The following ACBD6 variants were observed in gnomAD, a reference collection of about 807,000 sequenced individuals.
The protein encoded by ACBD6 is acyl-CoA binding domain containing 6, also known as acyl-CoA-binding domain-containing protein 6.
A neutral mutation model predicts 37.2 loss-of-function variants in ACBD6; 28 were observed. The observed-to-expected ratio is 0.75, with a 90% CI of 0.56 to 1.03. The LOEUF is 1.03. Among genes scored for constraint, ACBD6 ranks in the 50% least tolerant of loss-of-function variants. The probability of loss-of-function intolerance (pLI) is 0.00; values close to 1 mark genes in which losing one functional copy is unlikely to be tolerated. For synonymous variants in ACBD6, 113 were observed against 126.8 expected (o/e 0.89, Z 0.73); for missense variants, 340 against 337.4 (o/e 1.01, Z -0.06).
rs74132811 is a variant in ACBD6 at position 180,407,907 on chromosome 1, A to C, written c.573+5459T>G. ...CACACAAGATACTTCCAGTGAAAAAACTGTGACTTTGAAAAGTTAAGTGGC... is the reference window on the plus strand; with the variant it reads ...CACACAAGATACTTCCAGTGAAAAACCTGTGACTTTGAAAAGTTAAGTGGC... On this transcript the variant is annotated intron_variant, in intron 5 of 7. Transcript: ENST00000367595. 5.9e-3 allele frequency among the ~76,000 whole-genome samples: 905 copies of C among 152,298 alleles called. 8 individuals carry two copies. Among genetic ancestry groups the C allele is most frequent in the African/African-American group, 0.02 (848 of 41,564 alleles).
At chr1:180,332,132 G>A (rs1651509930) in intron 6 of ACBD6, among the ~76,000 whole-genome samples, 1 of 152,154 alleles carries the variant, frequency 6.6e-6, no homozygotes, top group South Asian at 2.1e-4. Flanking sequence ...TCCCCTACAG[G>A]TTTCAGAGGG....
At chr1:180,441,132 G>C (rs987780751) in intron 3 of ACBD6, among the ~76,000 whole-genome samples, 1 of 152,110 alleles carries the variant, frequency 6.6e-6, no homozygotes, top group African/African-American at 2.4e-5. Context: ...TTTTATGGCA[G>C]CTGCACCATT....
At chr1:180,375,957 G>T (rs1213048326) in intron 6 of ACBD6, among the ~76,000 whole-genome samples, 1 of 152,040 alleles carries the variant, frequency 6.6e-6, no homozygotes, top group Non-Finnish European at 1.5e-5. Context: ...AATATCCATG[G>T]TATATAAAGA....
intron 6 of ACBD6, among the ~76,000 whole-genome samples, chr1:180,339,963 G>A (rs1403464125): frequency 6.6e-6 from 1 of 152,094 alleles, no homozygotes; most frequent in Non-Finnish European, 1.5e-5. Flanking sequence ...AAAACGTGAA[G>A]ATGGTAAGGG....
chr1:180,287,624 T>C (rs905078778), downstream of ACBD6, among the ~76,000 whole-genome samples: 6 of 142,066 alleles, frequency 4.2e-5, no homozygotes, highest in East Asian at 6.5e-4. Context: ...CTGCTACATA[T>C]GACATGGTCA....
chr1:180,360,860 C>G (rs1301987141), intron 6 of ACBD6, among the ~76,000 whole-genome samples: 4 of 152,092 alleles, frequency 2.6e-5, no homozygotes, highest in Non-Finnish European at 5.9e-5. Flanking sequence ...CATAAACTGA[C>G]ATTTATTGGA....
chr1:180,398,835 A>G (rs9659140), intron 5 of ACBD6, among the ~76,000 whole-genome samples: 6,444 of 152,290 alleles, frequency 0.042, 433 homozygotes, highest in African/African-American at 0.14. Context: ...ATGTTTTTCC[A>G]CATTAAGTTG....
intron 3 of ACBD6, among the ~76,000 whole-genome samples, chr1:180,475,682 G>A (rs1650751419): frequency 6.6e-6 from 1 of 152,142 alleles, no homozygotes; most frequent in African/African-American, 2.4e-5. Context: ...ACCATGTTAT[G>A]TATACCAATA....
At chr1:180,337,341 G>A (rs190865265) in intron 6 of ACBD6, among the ~76,000 whole-genome samples, 3 of 152,204 alleles carry the variant, frequency 2.0e-5, no homozygotes, top group Admixed American at 1.3e-4. Context: ...ATGCAAGGCT[G>A]GTTCAACATA....
rs764681935 is a variant in ACBD6 at position 180,492,608 on chromosome 1, TAA to T, written c.288-245_288-244del. ...CCTAATCGTCCTCCCCGTGAAATTT[TAA>T]AAACACAGATACAATGCATAGCTAT... On this transcript the variant is annotated intron_variant, in intron 2 of 7. Coordinates refer to ENST00000367595, the MANE Select transcript of ACBD6 (RefSeq NM_032360.4). Among the ~76,000 whole-genome samples, 5 of 152,292 alleles carry T rather than the reference TAA, an allele frequency of 3.3e-5. No homozygotes were observed. In the South Asian group the frequency reaches 1.0e-3, roughly 32 times the overall value.
chr1:180,451,061 T>C (rs1649683792), intron 3 of ACBD6, among the ~76,000 whole-genome samples: 1 of 152,042 alleles, frequency 6.6e-6, no homozygotes, highest in Non-Finnish European at 1.5e-5. Flanking sequence ...ACCAATAAAT[T>C]CATTCTAATA....
At chr1:180,294,038 G>A (rs1649818612) in intron 7 of ACBD6, among the ~76,000 whole-genome samples, 1 of 152,042 alleles carries the variant, frequency 6.6e-6, no homozygotes, top group African/African-American at 2.4e-5. Flanking sequence ...GGGATTACAG[G>A]TGCGCACCAC....
intron 6 of ACBD6, among the ~76,000 whole-genome samples, chr1:180,392,337 A>C (rs1654108885): frequency 6.6e-6 from 1 of 152,014 alleles, no homozygotes; most frequent in Non-Finnish European, 1.5e-5. Flanking sequence ...ACATTACCTC[A>C]CTGAATTTAT....
At chr1:180,474,695 A>G (rs967426227) in intron 3 of ACBD6, among the ~76,000 whole-genome samples, 6 of 152,244 alleles carry the variant, frequency 3.9e-5, no homozygotes, top group Non-Finnish European at 7.3e-5. Flanking sequence ...AAAACTTTTT[A>G]GCTATCGAAT....
intron 6 of ACBD6, among the ~76,000 whole-genome samples, chr1:180,362,967 C>T (rs1283788776): frequency 6.6e-6 from 1 of 152,188 alleles, no homozygotes; most frequent in Non-Finnish European, 1.5e-5. Flanking sequence ...CTTTAATATT[C>T]TCTTTGCTGG....
intron 6 of ACBD6, among the ~76,000 whole-genome samples, chr1:180,395,727 G>C (rs926281433): frequency 1.4e-4 from 22 of 152,172 alleles, no homozygotes; most frequent in African/African-American, 5.3e-4. Flanking sequence ...TGCAGCTACT[G>C]TGGGAAACAA....
chr1:180,490,571 C>G (rs1000752636), intron 3 of ACBD6, among the ~76,000 whole-genome samples: 5 of 151,368 alleles, frequency 3.3e-5, no homozygotes, highest in African/African-American at 1.2e-4. Flanking sequence ...GTCAGGAGAT[C>G]GAGACCAACT....
rs112582976 is a variant in ACBD6 at position 180,477,354 on chromosome 1, A to C, written c.384+14915T>G. 3.0e-3 allele frequency among the ~76,000 whole-genome samples: 455 copies of C among 152,328 alleles called. 1 individual carries two copies. The highest frequency in any genetic ancestry group is 0.01 in the African/African-American group (429 of 41,568). On this transcript the variant is annotated intron_variant, in intron 3 of 7. Coordinates refer to ENST00000367595, the MANE Select transcript of ACBD6 (RefSeq NM_032360.4). ...CACTAACAAACACATACACACATATAAGAGCATACACACAAGCATTAAGAA... is the reference window on the plus strand; with the variant it reads ...CACTAACAAACACATACACACATATCAGAGCATACACACAAGCATTAAGAA...
chr1:180,355,265 A>C (rs1386393807), intron 6 of ACBD6, among the ~76,000 whole-genome samples: 2 of 152,222 alleles, frequency 1.3e-5, no homozygotes, highest in Non-Finnish European at 2.9e-5. Context: ...AGAACTTAGA[A>C]GGTCTCTGGC....
Sources: gnomAD v4.1 joint callset for allele counts (sites outside exome capture counted in the v4.1 genomes callset) on GRCh38, gnomAD v4.1.1 for gene constraint, MANE v1.5 for transcripts, NCBI Gene and HGNC (gene_info 2026-07-23, HGNC 2026-07-21) for gene names.